The following PFKFB2 variants were observed in gnomAD, a reference collection of about 807,000 sequenced individuals.
PFKFB2 encodes 6-phosphofructo-2-kinase/fructose-2,6-biphosphatase 2, also known as 6-phosphofructo-2-kinase/fructose-2,6-bisphosphatase 2.
A neutral mutation model predicts 68.0 loss-of-function variants in PFKFB2; 53 were observed. The observed-to-expected ratio is 0.78, with a 90% CI of 0.63 to 0.98. The LOEUF is 0.98. Ranked by LOEUF, PFKFB2 falls within the 50% of genes least tolerant of loss-of-function variation. The pLI is 0.00. For synonymous variants in PFKFB2, 222 were observed against 227.6 expected, an observed-to-expected ratio of 0.98 and a Z score of 0.22; for missense variants, 451 against 642.0, an observed-to-expected ratio of 0.70 and a Z score of 3.22.
intron 8 of PFKFB2, 110 bp from the exon 9 acceptor site, chr1:207,067,389 G>A (rs1281627034): frequency 4.2e-6 from 3 of 718,462 alleles, no homozygotes; most frequent in Non-Finnish European, 7.1e-6. Context: ...CAGAGGAGGG[G>A]AGGAAGAGCA....
chr1:207,072,308 GA>G lies in PFKFB2; in HGVS notation c.1456del (p.Ser486AlafsTer61), dbSNP rs1190121646. The G allele has an allele frequency of 2.5e-6, 4 of 1,614,050 alleles. No homozygotes were observed. The highest frequency in any genetic ancestry group is 3.4e-6 in the Non-Finnish European group (4 of 1,180,028). ...IRRPRNYSVG[S>X]RPLKPLSPLR... ...GGCGTCCAAGAAATTACAGTGTTGG[GA>G]GCCGGCCCCTCAAGCCCCTCAGCCC... is the stretch of plus-strand genomic sequence containing the variant. On this transcript the variant is annotated frameshift_variant, in exon 15 of 15. Coordinates refer to ENST00000367080, the MANE Select transcript of PFKFB2 (RefSeq NM_006212.2). LOFTEE classifies it high-confidence loss of function.
At chr1:207,043,135 C>A (rs1682511395) in intron 2 of PFKFB2, among the ~76,000 whole-genome samples, 1 of 151,908 alleles carries the variant, frequency 6.6e-6, no homozygotes. Flanking sequence ...CTAACAAGTT[C>A]CCAGGTAATG....
At position 207,064,999 on chromosome 1, in the gene PFKFB2, C is replaced by T. The variant is rs780293632; in HGVS notation, c.508-37C>T. 12 of 1,608,772 alleles carry T rather than the reference C, an allele frequency of 7.5e-6. No homozygotes were observed. The South Asian group carries it at 1.2e-4, about 16-fold the overall frequency. The stretch of plus-strand genomic sequence containing the variant: ...TTGTAGGAGGACTGTTACGGGCAGA[C>T]CTCTGATGAGGCCTTTACTGGTTCC... On this transcript the variant is annotated intron_variant, in intron 7 of 14. Transcript: ENST00000367080.
At chr1:207,071,083 A>T in intron 12 of PFKFB2, 105 bp from the exon 13 acceptor site, 1 of 914,896 alleles carries the variant, frequency 1.1e-6, no homozygotes, top group East Asian at 2.4e-5. Flanking sequence ...GAGGTGGTCA[A>T]AGTAAGGGAA....
At position 207,073,011 on chromosome 1, in the gene PFKFB2, C is replaced by T; in HGVS notation, c.*640C>T. 1.0e-6 allele frequency: 1 copy of T among 985,468 alleles called. No homozygotes were observed. The allele number at this position is 985,468 out of a possible 1,614,324, so 61.0% of individuals were successfully genotyped here. On this transcript the variant is annotated 3_prime_UTR_variant, in exon 15 of 15. Coordinates refer to ENST00000367080, the MANE Select transcript of PFKFB2 (RefSeq NM_006212.2). ...TGGATCTGGACTGGAGGAGTCTTTC[C>T]TTTCCTTTCTCCCTTCCTCTCCAGC...
At chr1:207,058,685 G>A (rs1040473480) in intron 2 of PFKFB2, among the ~76,000 whole-genome samples, 6 of 152,092 alleles carry the variant, frequency 3.9e-5, no homozygotes, top group Non-Finnish European at 8.8e-5. Flanking sequence ...AGTAGAGATA[G>A]TGTTTCACCA....
At chr1:207,041,082 C>T (rs2102316345) in intron 1 of PFKFB2, among the ~76,000 whole-genome samples, 1 of 152,090 alleles carries the variant, frequency 6.6e-6, no homozygotes, top group Middle Eastern at 3.4e-3. Flanking sequence ...GCGCCCGCCA[C>T]CACGCCCGGC....
At chr1:207,054,957 A>G in intron 2 of PFKFB2, 155 bp downstream of exon 2, 1 of 595,958 alleles carries the variant, frequency 1.7e-6, no homozygotes, top group Non-Finnish European at 3.0e-6. Context: ...GTCCTGTCTA[A>G]AACAAGTAGA....
At chr1:207,054,116 A>G (rs986144647) in intron 1 of PFKFB2, among the ~76,000 whole-genome samples, 1 of 151,548 alleles carries the variant, frequency 6.6e-6, no homozygotes, top group African/African-American at 2.4e-5. Context: ...GTTGGCCAGG[A>G]TGGTCTCTAT....
chr1:207,052,526 T>C (rs1368146636), upstream of PFKFB2, among the ~76,000 whole-genome samples: 3 of 152,154 alleles, frequency 2.0e-5, no homozygotes, highest in Non-Finnish European at 2.9e-5. Flanking sequence ...CTGGGCGTGG[T>C]GGTCCATGCC....
chr1:207,080,878 C>T (rs1294287562), downstream of PFKFB2: 1 of 151,996 alleles, frequency 6.6e-6, no homozygotes, highest in East Asian at 1.9e-4. Context: ...CTTTGTTTCT[C>T]ATTGATTTTT....
At chr1:207,046,749 C>T (rs1429412428) in intron 2 of PFKFB2, 6 of 151,998 alleles carry the variant, frequency 3.9e-5, no homozygotes, top group Non-Finnish European at 7.4e-5. Context: ...GTGTTCTATT[C>T]CTTTCCATTT....
At position 207,063,209 on chromosome 1, in the gene PFKFB2, G is replaced by A. The variant is rs770226231; in HGVS notation, c.375G>A (p.Ala125=). 4.3e-6 allele frequency: 7 copies of A among 1,613,272 alleles called. No individual in the cohort carries two copies. The highest frequency in any genetic ancestry group is 1.7e-5 in the Admixed American group (1 of 60,018). ...AYLTEENGQI[A]VFDATNTTRE... ...TCACTGAGGAGAATGGTCAGATTGCGGTAAGCTTTATCTGCTGCTTCTTCT... is the reference window on the plus strand; with the variant it reads ...TCACTGAGGAGAATGGTCAGATTGCAGTAAGCTTTATCTGCTGCTTCTTCT... The change falls in exon 5 of 15, where the codon GCG becomes GCA. Residue 125 remains alanine, a splice_region_variant and synonymous_variant. Coordinates refer to ENST00000367080, the MANE Select transcript of PFKFB2 (RefSeq NM_006212.2). The surrounding 1 kb of genome is among the most constrained non-coding windows in gnomAD (Gnocchi z 4.1).
upstream of PFKFB2, chr1:207,049,732 A>G (rs1227185685): frequency 3.8e-6 from 6 of 1,599,742 alleles, no homozygotes; most frequent in African/African-American, 1.3e-5. Context: ...ACCTGTTAAA[A>G]ATAAAACAAA....
At chr1:207,049,269 G>T (rs1477684635), upstream of PFKFB2, 3 of 1,613,966 alleles carry the variant, frequency 1.9e-6, no homozygotes, top group Non-Finnish European at 2.5e-6. Flanking sequence ...GATCATAGTG[G>T]ATGCCATCAT....
chr1:207,037,986 T>C (rs1171934172), intron 1 of PFKFB2, among the ~76,000 whole-genome samples: 2 of 152,204 alleles, frequency 1.3e-5, no homozygotes, highest in Non-Finnish European at 2.9e-5. Flanking sequence ...CTCACCGTCA[T>C]CACTTCCATA....
intron 9 of PFKFB2, 132 bp from the exon 10 acceptor site, chr1:207,068,031 G>T: frequency 1.3e-6 from 1 of 790,420 alleles, no homozygotes; most frequent in South Asian, 1.9e-5. Flanking sequence ...TATGGATTTT[G>T]ACCATGGTTA....
At chr1:207,037,169 C>G (rs1682391946) in intron 1 of PFKFB2, among the ~76,000 whole-genome samples, 1 of 152,208 alleles carries the variant, frequency 6.6e-6, no homozygotes. Flanking sequence ...TTGCCAAATC[C>G]TATAGACTGT....
At chr1:207,037,096 C>G (rs1682390207) in intron 1 of PFKFB2, among the ~76,000 whole-genome samples, 1 of 152,192 alleles carries the variant, frequency 6.6e-6, no homozygotes, top group Non-Finnish European at 1.5e-5. Context: ...TCATTTCTAT[C>G]TGGCTACTTT....
Sources: allele counts gnomAD v4.1 joint callset (sites outside exome capture counted in the v4.1 genomes callset), GRCh38; gene constraint gnomAD v4.1.1; non-coding constraint Gnocchi (gnomAD v3.1); transcripts MANE v1.5; gene names NCBI Gene and HGNC (gene_info 2026-07-23, HGNC 2026-07-21).